Variants in RERE observed in about 807,000 individuals in gnomAD.
RERE encodes arginine-glutamic acid dipeptide repeats.
A neutral mutation model predicts 146.1 loss-of-function variants in RERE; 40 were observed. That is an observed-to-expected ratio of 0.27 (90% CI 0.21 to 0.36). The LOEUF is 0.36. Among genes scored for constraint, RERE ranks in the 10% least tolerant of loss-of-function variants. RERE has a pLI of 1.00. For missense variants in RERE, 1,933 were observed against 2,138.7 expected, an observed-to-expected ratio of 0.90 and a Z score of 1.90; for synonymous variants, 1,003 against 866.0, an observed-to-expected ratio of 1.16 and a Z score of -2.78.
chr1:8,631,984 A>G (rs950570439), intron 2 of RERE, among the ~76,000 whole-genome samples: 1 of 152,182 alleles, frequency 6.6e-6, no homozygotes, highest in Non-Finnish European at 1.5e-5. Flanking sequence ...CCTAAAGCTT[A>G]AAAATGCAGG....
chr1:8,364,344 C>T lies in RERE; in HGVS notation c.1541-89G>A. The T allele has an allele frequency of 1.7e-6, 2 of 1,182,038 alleles. No homozygotes were observed. The highest frequency in any genetic ancestry group is 2.5e-6 in the Non-Finnish European group (2 of 800,824). The allele number at this position is 1,182,038 out of a possible 1,614,324, so 73.2% of individuals were successfully genotyped here. ...CAGAGGGGCCCTTCTGTGGGCTCTA[C>T]CCAAACCTGATGCCACCAGCACCAT... On this transcript the variant is annotated intron_variant, in intron 14 of 22. Transcript: ENST00000400908. The surrounding 1 kb of genome is among the most constrained non-coding windows in gnomAD (Gnocchi z 5.1).
At chr1:8,661,961 C>T (rs1369530948) in intron 1 of RERE, among the ~76,000 whole-genome samples, 1 of 152,172 alleles carries the variant, frequency 6.6e-6, no homozygotes, top group Non-Finnish European at 1.5e-5. Context: ...TCAAAATAGA[C>T]TTATGAGTTA....
At chr1:8,661,211 G>C (rs878877832) in intron 1 of RERE, among the ~76,000 whole-genome samples, 9 of 152,144 alleles carry the variant, frequency 5.9e-5, no homozygotes, top group Admixed American at 1.3e-4. Context: ...TTCCTGAAGA[G>C]GGGAAAAAGT....
chr1:8,573,596 G>A (rs943583991), intron 4 of RERE, among the ~76,000 whole-genome samples: 1 of 152,130 alleles, frequency 6.6e-6, no homozygotes, highest in Non-Finnish European at 1.5e-5. Context: ...AACCTTGGTT[G>A]TAATAAGTAT....
intron 12 of RERE, among the ~76,000 whole-genome samples, chr1:8,392,722 G>C (rs1278568586): frequency 1.3e-5 from 2 of 152,148 alleles, no homozygotes; most frequent in African/African-American, 4.8e-5. Flanking sequence ...CAGCACACCA[G>C]AGCAAACATC....
intron 19 of RERE, among the ~76,000 whole-genome samples, 200 bp downstream of exon 19, chr1:8,359,564 T>C (rs1034044551): frequency 2.0e-5 from 3 of 152,210 alleles, no homozygotes; most frequent in Non-Finnish European, 4.4e-5. Context: ...AGCCTAGACC[T>C]GCCATGCGCA....
At chr1:8,511,749 C>T (rs1382218431) in intron 7 of RERE, 1 of 152,118 alleles carries the variant, frequency 6.6e-6, no homozygotes, top group Non-Finnish European at 1.5e-5. Context: ...TCCCCTGCTG[C>T]CGCACTGCTC....
At chr1:8,764,693 C>G (rs1640816106) in intron 1 of RERE, among the ~76,000 whole-genome samples, 1 of 152,068 alleles carries the variant, frequency 6.6e-6, no homozygotes, top group African/African-American at 2.4e-5. Flanking sequence ...GTAATTCACC[C>G]AGATTTCTAT....
intron 1 of RERE, among the ~76,000 whole-genome samples, chr1:8,658,764 A>G (rs1288256621): frequency 2.0e-5 from 3 of 151,806 alleles, no homozygotes; most frequent in Non-Finnish European, 4.4e-5. Context: ...TCAAAAAAAA[A>G]AAAGAAAGAA....
intron 11 of RERE, among the ~76,000 whole-genome samples, chr1:8,448,701 CAT>C (rs1644354369): frequency 6.6e-6 from 1 of 152,072 alleles, no homozygotes; most frequent in South Asian, 2.1e-4. Flanking sequence ...CCCTGGCGCA[CAT>C]CTGTAATCCC....
chr1:8,405,037 G>T (rs897822127), intron 12 of RERE, among the ~76,000 whole-genome samples: 1 of 152,226 alleles, frequency 6.6e-6, no homozygotes, highest in African/African-American at 2.4e-5. Context: ...GGGGGAGGGT[G>T]AGGGAGTGGC....
At chr1:8,576,733 A>C (rs541864018) in intron 4 of RERE, among the ~76,000 whole-genome samples, 21 of 152,362 alleles carry the variant, frequency 1.4e-4, no homozygotes, top group Non-Finnish European at 2.6e-4. Context: ...TCTGCTGGCC[A>C]GGTTATGGGA....
At chr1:8,742,655 T>C (rs1049713052) in intron 1 of RERE, among the ~76,000 whole-genome samples, 1 of 152,168 alleles carries the variant, frequency 6.6e-6, no homozygotes, top group South Asian at 2.1e-4. Flanking sequence ...ACCCTGTCTC[T>C]ACAAAACTTA....
In RERE at chr1:8,719,351, T is replaced by G. The variant is rs61785511; in HGVS notation, c.-144-62910A>C. 2.4e-3 allele frequency among the ~76,000 whole-genome samples: 372 copies of G among 152,272 alleles called. 1 individual carries two copies. The highest frequency in any genetic ancestry group is 3.7e-3 in the Admixed American group (57 of 15,296). ...CAAGCACTCTGTTCAATGATTTTGA[T>G]GAAATAAAGTAATCCACCCCTAAAT... is the stretch of plus-strand genomic sequence containing the variant. On this transcript the variant is annotated intron_variant, in intron 1 of 22. Transcript: ENST00000400908.
chr1:8,458,037 A>G (rs867745931), intron 11 of RERE, among the ~76,000 whole-genome samples: 4 of 152,118 alleles, frequency 2.6e-5, no homozygotes, highest in African/African-American at 9.7e-5. Flanking sequence ...CCAGTTACCA[A>G]TGTAATATGT....
chr1:8,771,172 G>A (rs1640941410), intron 1 of RERE, among the ~76,000 whole-genome samples: 1 of 152,044 alleles, frequency 6.6e-6, no homozygotes, highest in South Asian at 2.1e-4. Context: ...TAGCATAAAT[G>A]TTTTTTAGAG....
chr1:8,710,928 G>A (rs1012968655), intron 1 of RERE, among the ~76,000 whole-genome samples: 3 of 151,938 alleles, frequency 2.0e-5, no homozygotes, highest in East Asian at 1.9e-4. Flanking sequence ...AGGCCAAGGC[G>A]GGTGGATCAC....
chr1:8,456,521 T>C (rs1414869006), intron 11 of RERE, among the ~76,000 whole-genome samples: 2 of 152,198 alleles, frequency 1.3e-5, no homozygotes, highest in Admixed American at 6.5e-5. Context: ...GAGTCCTACA[T>C]AACTGAAGCC....
At chr1:8,523,002 T>C (rs1645523626) in intron 7 of RERE, among the ~76,000 whole-genome samples, 4 of 151,224 alleles carry the variant, frequency 2.6e-5, no homozygotes, top group Admixed American at 6.6e-5. Context: ...CAAGGTGAAA[T>C]CCCTTCTCTA....
Sources: gnomAD v4.1 joint callset for allele counts (sites outside exome capture counted in the v4.1 genomes callset) on GRCh38, gnomAD v4.1.1 for gene constraint, Gnocchi (gnomAD v3.1) non-coding constraint, MANE v1.5 for transcripts, NCBI Gene and HGNC (gene_info 2026-07-23, HGNC 2026-07-21) for gene names.